Variants in POLM observed in about 807,000 individuals in gnomAD.
The protein encoded by POLM is DNA polymerase mu.
In POLM, 52 loss-of-function variants were observed where a neutral mutation model predicts 56.7. The ratio of observed to expected loss-of-function variants is 0.92; its 90% CI spans 0.73 to 1.15. The LOEUF (loss-of-function observed/expected upper bound fraction) is 1.15. Ranked by LOEUF, POLM falls within the 50% of genes most tolerant of loss-of-function variation. The pLI is 0.00. For synonymous variants in POLM, 273 were observed against 274.3 expected, an observed-to-expected ratio of 1.00 and a Z score of 0.05; for missense variants, 660 against 663.6, an observed-to-expected ratio of 0.99 and a Z score of 0.06.
chr7:44,073,253 CCCAATTTCCTGAGTGGAAGTGGGGGACA>C lies in POLM; in HGVS notation c.*10_*37del. On this transcript the variant is annotated 3_prime_UTR_variant, in exon 11 of 11. Transcript: ENST00000242248. ...CATTCAGTGGCCAGGTTGGGGGCAG[CCCAATTTCCTGAGTGGAAGTGGGGGACA>C]CAGGCAGGCTCAGGCGTTTCTCTGC... The C allele has an allele frequency of 6.2e-7, 1 of 1,614,140 alleles. No homozygotes were observed. The highest frequency in any genetic ancestry group is 8.5e-7 in the Non-Finnish European group (1 of 1,179,982).
chr7:44,074,026 C>T lies in POLM; in HGVS notation c.1072-1G>A. Reference sequence around the variant, plus strand: ...GGTGCTGGTGGTACAGGATGAGGCCCTGTGGGGAGAGGCGGGCGTGGCTGA... The same window carrying T: ...GGTGCTGGTGGTACAGGATGAGGCCTTGTGGGGAGAGGCGGGCGTGGCTGA... On this transcript the variant is annotated splice_acceptor_variant, in intron 8 of 10. Transcript: ENST00000242248. LOFTEE classifies it high-confidence loss of function. 6.2e-7 allele frequency: 1 copy of T among 1,613,498 alleles called. No homozygotes were observed.
In POLM at chr7:44,082,493, G is replaced by A. The variant is rs1350267660; in HGVS notation, c.-55C>T. ...GAACGCAGAGGGAAACTCCGAGCGAGACGGAAGGAAGCCCCAGTGAGGCTG... is the reference window on the plus strand; with the variant it reads ...GAACGCAGAGGGAAACTCCGAGCGAAACGGAAGGAAGCCCCAGTGAGGCTG... On this transcript the variant is annotated 5_prime_UTR_variant, in exon 1 of 11. Transcript: ENST00000242248. 9.0e-6 allele frequency: 6 copies of A among 665,296 alleles called. No individual in the cohort carries two copies. Among genetic ancestry groups the A allele is most frequent in the Non-Finnish European group, 9.6e-6 (5 of 520,216 alleles). The allele number at this position is 665,296 out of a possible 1,614,324, so 41.2% of individuals were successfully genotyped here. A position where few individuals can be genotyped will look rare whatever the true frequency, so the allele number is the denominator to read the frequency against.
rs763084628 is a variant in POLM at position 44,073,995 on chromosome 7, T to TGTGCTG, written c.1096_1101dup (p.Gln366_His367dup). 403 of 1,614,000 alleles carry TGTGCTG rather than the reference T, an allele frequency of 2.5e-4. No individual in the cohort carries two copies. The highest frequency in any genetic ancestry group is 3.2e-4 in the Non-Finnish European group (376 of 1,180,034). ...AGGCGGGTAGGGGACTCACAGCAGC[T>TGTGCTG]GTGCTGGTGCTGGTGGTACAGGATG... On this transcript the variant is annotated inframe_insertion, in exon 9 of 11. Transcript: ENST00000242248.
chr7:44,074,555 A>G (rs750527393), intron 6 of POLM, 25 bp from the exon 7 acceptor site: 9 of 1,528,372 alleles, frequency 5.9e-6, no homozygotes, highest in Non-Finnish European at 6.2e-6. Flanking sequence ...GGCCCTCCTG[A>G]CTCACCCAGC....
intron 8 of POLM, 34 bp downstream of exon 8, chr7:44,074,097 A>G: frequency 6.2e-7 from 1 of 1,607,048 alleles, no homozygotes; most frequent in Non-Finnish European, 8.5e-7. Flanking sequence ...GGCATTGGCC[A>G]GCGGTGGCTC....
At position 44,079,898 on chromosome 7, in the gene POLM, C is replaced by T. The variant is rs1444582779; in HGVS notation, c.434G>A (p.Arg145His). The change falls in exon 3 of 11, where the codon CGC becomes CAC. Residue 145 changes from arginine to histidine, a missense_variant. Coordinates refer to ENST00000242248, the MANE Select transcript of POLM (RefSeq NM_013284.4). ...GTTGTGGTGTGTGAGGGGCGTAGGG[C>T]GCTGGCAGGCATAGGCAGGCATCCA... ...PAWMPAYACQRPTPLTHHNTG... is the reference protein window; with the variant it reads ...PAWMPAYACQHPTPLTHHNTG... 1.6e-5 allele frequency: 26 copies of T among 1,613,988 alleles called. No individual in the cohort carries two copies. Among genetic ancestry groups the T allele is most frequent in the East Asian group, 1.1e-4 (5 of 44,902 alleles).
At position 44,073,881 on chromosome 7, in the gene POLM, T is replaced by A; in HGVS notation, c.1216A>T (p.Thr406Ser). 1.9e-6 allele frequency: 3 copies of A among 1,614,182 alleles called. No homozygotes were observed. Among genetic ancestry groups the A allele is most frequent in the Non-Finnish European group, 2.5e-6 (3 of 1,180,024 alleles). ...GCCTTCCAGGATGGGCAGGGCCTCG[T>A]GGATCCCCCCACAGCAGCCCCTGGA... ...QPPGAAVGGS[T>S]RPCPSWKAVR... Residue 406 changes from threonine (T) to serine (S), a missense_variant, in exon 9 of 11, where the codon ACG (threonine) becomes TCG (serine). By Grantham distance (58) the Thr-to-Ser change is moderately conservative. Transcript: ENST00000242248.
At position 44,073,353 on chromosome 7, in the gene POLM, C is replaced by A; in HGVS notation, c.1423G>T (p.Glu475Ter). The change falls in exon 11 of 11, where the codon GAG becomes TAG. Residue 475 changes from glutamate to a stop codon, truncating the protein, a stop_gained. Transcript: ENST00000242248. LOFTEE classifies it high-confidence loss of function. ...CCCAGGTGTCTGAAGATGTCTTCCT[C>A]TGAAGCCGCTTGGAAAAATGTCTTC... ...EQKTFFQAAS[E>*]EDIFRHLGLE... 1 of 1,614,182 alleles carries A rather than the reference C, an allele frequency of 6.2e-7. No homozygotes were observed. Among genetic ancestry groups the A allele is most frequent in the Non-Finnish European group, 8.5e-7 (1 of 1,180,018 alleles).
rs574202118 is a variant in POLM at position 44,079,546 on chromosome 7, C to T, written c.642+25G>A. 2.4e-5 allele frequency: 35 copies of T among 1,454,406 alleles called. 1 individual carries two copies. In the South Asian group the frequency reaches 3.6e-4, roughly 15 times the overall value. 90.1% of individuals were successfully genotyped at this position (1,454,406 alleles called of 1,614,324 possible). A position where few individuals can be genotyped will look rare whatever the true frequency, so the allele number is the denominator to read the frequency against. ...CAAGGCCTCCCCACCCACCCACTCA[C>T]CCTGCTAGGATGGTAAGCACCTACC... On this transcript the variant is annotated intron_variant, in intron 4 of 10. Transcript: ENST00000242248.
At chr7:44,073,582 G>A (rs757641684) in intron 10 of POLM, 43 bp downstream of exon 10, 2 of 1,610,160 alleles carry the variant, frequency 1.2e-6, no homozygotes, top group Non-Finnish European at 1.7e-6. Context: ...TCAGGGAGCG[G>A]ACTATGGGTG....
In POLM at chr7:44,078,730, C is replaced by T; in HGVS notation, c.714+10G>A. The T allele has an allele frequency of 6.2e-7, 1 of 1,612,476 alleles. No individual in the cohort carries two copies. Among genetic ancestry groups the T allele is most frequent in the Non-Finnish European group, 8.5e-7 (1 of 1,178,568 alleles). ...ATTCCTGGGGTAGGTCCGAGCCCTG[C>T]CCTGCGCACCTTCATGGTCTGGTAC... On this transcript the variant is annotated intron_variant, in intron 5 of 10. Coordinates refer to ENST00000242248, the MANE Select transcript of POLM (RefSeq NM_013284.4).
chr7:44,079,779 A>T, intron 3 of POLM, 38 bp from the exon 4 acceptor site: 1 of 1,609,686 alleles, frequency 6.2e-7, no homozygotes. Context: ...CAGGGTGGGC[A>T]GCTCCAATCC....
Position 44,073,910 on chromosome 7 carries a change from T to C in POLM, c.1187A>G (p.Gln396Arg). 1 of 1,614,156 alleles carries C rather than the reference T, an allele frequency of 6.2e-7. No individual in the cohort carries two copies. Among genetic ancestry groups the C allele is most frequent in the Non-Finnish European group, 8.5e-7 (1 of 1,180,022 alleles). The change falls in exon 9 of 11, where the codon CAA (glutamine) becomes CGA (arginine). Residue 396 changes from glutamine (Q) to arginine (R), a missense_variant. Coordinates refer to ENST00000242248, the MANE Select transcript of POLM (RefSeq NM_013284.4). ...TCCCCCCACAGCAGCCCCTGGAGGT[T>C]GTGGTAGGCGGAAAATGCAGAAACT... ...ERSFCIFRLP[Q>R]PPGAAVGGST... is the part of the protein sequence containing the mutation.
chr7:44,078,421 G>A (rs539662223), intron 5 of POLM: 17 of 287,040 alleles, frequency 5.9e-5, no homozygotes, highest in Admixed American at 5.8e-4. Flanking sequence ...AGCTGTGATC[G>A]CACCACTGTA....
chr7:44,080,619 C>CA (rs1191454620), intron 2 of POLM, 114 bp downstream of exon 2: 2 of 1,159,142 alleles, frequency 1.7e-6, no homozygotes, highest in African/African-American at 3.0e-5. Flanking sequence ...CTTCACTGCC[C>CA]ACCTCCTCTG....
chr7:44,072,912 A>G lies in POLM; in HGVS notation c.*379T>C. The stretch of plus-strand genomic sequence containing the variant: ...GGGTGCCCTGCAGGAGCCACAGTTA[A>G]CTGCAGTGCAACTAATGAGACACTG... On this transcript the variant is annotated 3_prime_UTR_variant, in exon 11 of 11. Coordinates refer to ENST00000242248, the MANE Select transcript of POLM (RefSeq NM_013284.4). 2.0e-6 allele frequency: 1 copy of G among 506,284 alleles called. No individual in the cohort carries two copies. The highest frequency in any genetic ancestry group is 4.1e-5 in the South Asian group (1 of 24,208). 31.4% of individuals were successfully genotyped at this position (506,284 alleles called of 1,614,324 possible).
At chr7:44,073,519 C>T (rs533010674) in intron 10 of POLM, 106 bp downstream of exon 10, 52 of 1,592,730 alleles carry the variant, frequency 3.3e-5, no homozygotes, top group Middle Eastern at 2.1e-4. Flanking sequence ...GACCCAGATT[C>T]GGGTCCTATG....
chr7:44,078,078 G>A (rs1163971061), intron 5 of POLM, among the ~76,000 whole-genome samples: 1 of 152,262 alleles, frequency 6.6e-6, no homozygotes, highest in African/African-American at 2.4e-5. Context: ...GGCAAGCCCA[G>A]CATGCTCAGT....
chr7:44,082,125 C>T (rs934346986), intron 1 of POLM, 126 bp downstream of exon 1: 22 of 789,868 alleles, frequency 2.8e-5, no homozygotes, highest in Admixed American at 4.1e-5. Flanking sequence ...TAATTAATAG[C>T]ACCCTTTACA....
Sources: allele counts gnomAD v4.1 joint callset (sites outside exome capture counted in the v4.1 genomes callset), GRCh38; gene constraint gnomAD v4.1.1; transcripts MANE v1.5; gene names NCBI Gene and HGNC (gene_info 2026-07-23, HGNC 2026-07-21).